SCN1A: variants seen among roughly 807,000 people sequenced by gnomAD.
The protein encoded by SCN1A is sodium voltage-gated channel alpha subunit 1, also known as sodium channel protein type 1 subunit alpha.
A neutral mutation model predicts 193.7 loss-of-function variants in SCN1A; 13 were observed. That is an observed-to-expected ratio of 0.07 (90% CI 0.04 to 0.11). SCN1A has a LOEUF of 0.11. Ranked by LOEUF, SCN1A falls within the 10% of genes least tolerant of loss-of-function variation. SCN1A has a pLI of 1.00. For synonymous variants in SCN1A, 781 were observed against 843.6 expected, an observed-to-expected ratio of 0.93 and a Z score of 1.29; for missense variants, 1,432 against 2,451.1, an observed-to-expected ratio of 0.58 and a Z score of 8.78.
rs749961557 is a variant in SCN1A, at chr2:165,991,577, T to C, written c.5698A>G (p.Lys1900Glu). The C allele has an allele frequency of 6.2e-7, 1 of 1,613,924 alleles. No individual in the cohort carries two copies. The highest frequency in any genetic ancestry group is 8.5e-7 in the Non-Finnish European group (1 of 1,179,902). ...EERFMASNPS[K>E]VSYQPITTTL... Reference sequence around the variant, plus strand: ...GTAGTGATTGGCTGATAGGAGACCTTGGAAGGATTGGAAGCCATGAATCGC... The same window carrying C: ...GTAGTGATTGGCTGATAGGAGACCTCGGAAGGATTGGAAGCCATGAATCGC... Residue 1900 changes from lysine to glutamate, a missense_variant, in exon 29 of 29, where the codon AAG (lysine) becomes GAG (glutamate). Around this residue, in one of 18 missense-constraint regions of SCN1A, gnomAD observed 148 missense variants for 160.3 expected, o/e 0.92. Transcript: ENST00000674923.
chr2:166,103,178 C>T (rs1174821684), intron 2 of SCN1A, among the ~76,000 whole-genome samples: 6 of 151,966 alleles, frequency 3.9e-5, no homozygotes, highest in Non-Finnish European at 8.8e-5. Flanking sequence ...AGGCTGGGCG[C>T]GGTGGCTCAC....
chr2:166,069,890 C>G (rs1359279911), intron 4 of SCN1A, among the ~76,000 whole-genome samples: 1 of 152,152 alleles, frequency 6.6e-6, no homozygotes, highest in Non-Finnish European at 1.5e-5. Context: ...GACATTTCCA[C>G]TGTTTGACCA....
At chr2:166,132,234 T>C (rs1691689022), upstream of SCN1A, among the ~76,000 whole-genome samples, 1 of 152,214 alleles carries the variant, frequency 6.6e-6, no homozygotes, top group Non-Finnish European at 1.5e-5. Flanking sequence ...ATTTTAGATC[T>C]ACAGGACCAC....
intron 2 of SCN1A, chr2:166,109,652 G>C (rs1421174272): frequency 1.3e-5 from 2 of 152,038 alleles, no homozygotes; most frequent in Non-Finnish European, 2.9e-5. Flanking sequence ...TATCTGTTAT[G>C]GTGACCTGTG....
chr2:165,985,457 G>C (rs1688555123), downstream of SCN1A: 1 of 151,140 alleles, frequency 6.6e-6, no homozygotes, highest in South Asian at 2.1e-4. Context: ...GAAAAGGGAA[G>C]GGAAAAGGGA....
intron 15 of SCN1A, 147 bp from the exon 16 acceptor site, chr2:166,041,616 G>C (rs528903576): frequency 1.5e-6 from 1 of 652,516 alleles, no homozygotes; most frequent in Non-Finnish European, 2.6e-6. Context: ...AAAAATTACA[G>C]TTTACTCTAA....
At chr2:166,003,907 T>C (rs1335963911) in intron 23 of SCN1A, among the ~76,000 whole-genome samples, 3 of 151,484 alleles carry the variant, frequency 2.0e-5, no homozygotes, top group African/African-American at 4.8e-5. Context: ...CAATTTCTTA[T>C]ACTTCTGATC....
intron 19 of SCN1A, among the ~76,000 whole-genome samples, chr2:166,017,031 CCTTTT>C (rs1693404258): frequency 1.3e-5 from 2 of 149,222 alleles, no homozygotes; most frequent in East Asian, 3.9e-4. Context: ...TCTTTCCTTT[CCTTTT>C]AATTTCTTAA....
At chr2:166,131,834 C>G (rs565416426), upstream of SCN1A, among the ~76,000 whole-genome samples, 186 of 152,244 alleles carry the variant, frequency 1.2e-3, no homozygotes, top group African/African-American at 4.4e-3. Flanking sequence ...TAACTTTATG[C>G]CTGCCAAGGA....
chr2:166,140,377 A>C (rs4233807), intron 1 of SCN1A, among the ~76,000 whole-genome samples: 1 of 152,188 alleles, frequency 6.6e-6, no homozygotes, highest in East Asian at 1.9e-4. Flanking sequence ...CATTTCTACA[A>C]GTAGCTGACC....
At chr2:166,131,486 A>G (rs1691660063), upstream of SCN1A, among the ~76,000 whole-genome samples, 1 of 151,984 alleles carries the variant, frequency 6.6e-6, no homozygotes, top group East Asian at 1.9e-4. Flanking sequence ...GGAATATTAT[A>G]ATGGGACATA....
chr2:166,133,279 T>C (rs1691731675), intron 1 of SCN1A, among the ~76,000 whole-genome samples: 1 of 152,172 alleles, frequency 6.6e-6, no homozygotes, highest in Admixed American at 6.6e-5. Context: ...CAGGTGATTA[T>C]TTCAGGGAAG....
At chr2:166,104,719 G>A (rs763867153) in intron 2 of SCN1A, among the ~76,000 whole-genome samples, 2 of 152,126 alleles carry the variant, frequency 1.3e-5, no homozygotes, top group East Asian at 1.9e-4. Flanking sequence ...TCCAACCTGC[G>A]TGACAGAGCC....
At chr2:165,998,286 T>A in intron 25 of SCN1A, 111 bp from the exon 26 acceptor site, 8 of 385,312 alleles carry the variant, frequency 2.1e-5, no homozygotes, top group Non-Finnish European at 2.9e-5. Context: ...TATGTCAGCA[T>A]TTTTTTTTTT....
chr2:166,044,998 G>A, intron 13 of SCN1A, 45 bp downstream of exon 13: 2 of 1,601,596 alleles, frequency 1.2e-6, no homozygotes, highest in Non-Finnish European at 1.7e-6. Context: ...TCTCTCCCAT[G>A]TTTTAATTTT....
At position 165,991,217 on chromosome 2, in the gene SCN1A, T is replaced by C; in HGVS notation, c.*28A>G. The C allele has an allele frequency of 6.4e-7, 1 of 1,562,690 alleles. No homozygotes were observed. The highest frequency in any genetic ancestry group is 8.7e-7 in the Non-Finnish European group (1 of 1,147,226). ...ACCTTCACAGGCTGTAAACAATTTG[T>C]CACCCAATTATTTTTATTTATTTTC... On this transcript the variant is annotated 3_prime_UTR_variant, in exon 29 of 29. Transcript: ENST00000674923.
At chr2:166,070,714 A>G (rs1228436284) in intron 4 of SCN1A, among the ~76,000 whole-genome samples, 1 of 152,162 alleles carries the variant, frequency 6.6e-6, no homozygotes, top group African/African-American at 2.4e-5. Context: ...CATTTTGTTT[A>G]GGGACATCCC....
Position 166,026,195 on chromosome 2 carries a change from T to C in SCN1A, c.3429+9853A>G, listed in dbSNP as rs574732805. 2.6e-4 allele frequency among the ~76,000 whole-genome samples: 40 copies of C among 152,282 alleles called. 1 individual carries two copies. The South Asian group carries it at 7.2e-3, about 28-fold the overall frequency. On this transcript the variant is annotated intron_variant, in intron 19 of 28. Coordinates refer to ENST00000674923, the MANE Select transcript of SCN1A (RefSeq NM_001165963.4). ...GATAATATACAGTCATATTTACTTT[T>C]GCTATTAATATTATCCAAAATCTAA...
chr2:165,987,890 G>T lies in SCN1A; in HGVS notation c.*3355C>A, dbSNP rs889132795. 6.6e-6 allele frequency: 1 copy of T among 152,048 alleles called. No homozygotes were observed. Among genetic ancestry groups the T allele is most frequent in the Non-Finnish European group, 1.5e-5 (1 of 68,002 alleles). 9.4% of individuals were successfully genotyped at this position (152,048 alleles called of 1,614,324 possible). A position where few individuals can be genotyped will look rare whatever the true frequency, so the allele number is the denominator to read the frequency against. On this transcript the variant is annotated 3_prime_UTR_variant, in exon 29 of 29. Coordinates refer to ENST00000674923, the MANE Select transcript of SCN1A (RefSeq NM_001165963.4). ...TCTGCAGGGTTTATCCTATAATTCT[G>T]ACCTACCTTAGTTGGAAATGGGAAT... is the stretch of plus-strand genomic sequence containing the variant.
Sources: allele counts gnomAD v4.1 joint callset (sites outside exome capture counted in the v4.1 genomes callset), GRCh38; gene constraint gnomAD v4.1.1; regional missense constraint gnomAD v4.1.1; transcripts MANE v1.5; gene names NCBI Gene and HGNC (gene_info 2026-07-23, HGNC 2026-07-21).